CYP4X1: variants seen among roughly 807,000 people sequenced by gnomAD.
CYP4X1 encodes the protein cytochrome P450 family 4 subfamily X member 1.
CYP4X1 carries 44 observed loss-of-function variants against 57.9 expected under a neutral mutation model. The ratio of observed to expected loss-of-function variants is 0.76; its 90% CI spans 0.60 to 0.98. The LOEUF (loss-of-function observed/expected upper bound fraction) is 0.98. Among genes scored for constraint, CYP4X1 ranks in the 50% least tolerant of loss-of-function variants. CYP4X1 has a pLI of 0.00. For synonymous variants in CYP4X1, 227 were observed against 228.6 expected, an observed-to-expected ratio of 0.99 and a Z score of 0.06; for missense variants, 532 against 623.9, an observed-to-expected ratio of 0.85 and a Z score of 1.57.
At chr1:47,008,904 C>G in the CYP4X1 span, among the ~76,000 whole-genome samples, 3 of 152,308 alleles carry the variant, frequency 2.0e-5, no homozygotes, top group East Asian at 1.9e-4. Context: ...AATACAGGAG[C>G]ACCCAGATTC....
chr1:46,973,291 T>C, the CYP4X1 span, among the ~76,000 whole-genome samples: 1 of 152,230 alleles, frequency 6.6e-6, no homozygotes, highest in Non-Finnish European at 1.5e-5. Context: ...TCGATAGTGA[T>C]ATATTAGCTT....
chr1:47,046,641 G>A, intron 9 of CYP4X1, 41 bp downstream of exon 9: 1 of 1,613,242 alleles, frequency 6.2e-7, no homozygotes, highest in Non-Finnish European at 8.5e-7. Context: ...AGAGGCTATG[G>A]GATCCTGGAG....
chr1:47,017,192 G>T, the CYP4X1 span, among the ~76,000 whole-genome samples: 1 of 152,192 alleles, frequency 6.6e-6, no homozygotes, highest in Non-Finnish European at 1.5e-5. Flanking sequence ...TTGATATACT[G>T]ATTTCCTTTC....
chr1:46,991,032 A>G, the CYP4X1 span, among the ~76,000 whole-genome samples: 1 of 150,784 alleles, frequency 6.6e-6, no homozygotes, highest in African/African-American at 2.4e-5. Context: ...CATGTATCCC[A>G]GAACTTAAAA....
upstream of CYP4X1, among the ~76,000 whole-genome samples, chr1:47,019,595 C>A (rs898800036): frequency 6.6e-6 from 1 of 152,190 alleles, no homozygotes; most frequent in Non-Finnish European, 1.5e-5. Flanking sequence ...CACTGCAACA[C>A]CCCAGTCTGG....
At chr1:47,045,648 A>G (rs1458814891) in intron 8 of CYP4X1, among the ~76,000 whole-genome samples, 1 of 152,160 alleles carries the variant, frequency 6.6e-6, no homozygotes, top group African/African-American at 2.4e-5. Context: ...TGGGCCCTCC[A>G]GGAATGGTTT....
chr1:47,015,777 T>C, the CYP4X1 span, among the ~76,000 whole-genome samples: 2 of 152,258 alleles, frequency 1.3e-5, no homozygotes, highest in African/African-American at 4.8e-5. Context: ...TGGCTATCTA[T>C]GAAGTTTCTG....
chr1:46,992,835 T>C, the CYP4X1 span, among the ~76,000 whole-genome samples: 1 of 152,216 alleles, frequency 6.6e-6, no homozygotes, highest in African/African-American at 2.4e-5. Flanking sequence ...GTTTTCCAAA[T>C]TGATATGCCA....
At chr1:47,027,511 C>A (rs1644083286) in intron 1 of CYP4X1, among the ~76,000 whole-genome samples, 1 of 152,174 alleles carries the variant, frequency 6.6e-6, no homozygotes, top group African/African-American at 2.4e-5. Context: ...CATTTCAAGT[C>A]TCTTCAAGCT....
At chr1:46,967,866 G>T in the CYP4X1 span, 3 of 1,059,922 alleles carry the variant, frequency 2.8e-6, no homozygotes, top group Non-Finnish European at 3.8e-6. Context: ...TCCCAATGCA[G>T]GTCCTGAGCC....
At chr1:47,033,127 A>G (rs1644141289) in intron 3 of CYP4X1, 114 bp from the exon 4 acceptor site, 2 of 1,145,190 alleles carry the variant, frequency 1.7e-6, no homozygotes, top group Admixed American at 2.6e-5. Context: ...TTGATACTCC[A>G]CTGTTGCATG....
At chr1:47,032,621 A>G (rs1644136533) in intron 3 of CYP4X1, among the ~76,000 whole-genome samples, 1 of 152,220 alleles carries the variant, frequency 6.6e-6, no homozygotes, top group Non-Finnish European at 1.5e-5. Flanking sequence ...GCAATAGAAG[A>G]TTGTGAAGCA....
the CYP4X1 span, among the ~76,000 whole-genome samples, chr1:47,007,204 G>A: frequency 5.8e-3 from 885 of 152,244 alleles, 8 homozygotes; most frequent in Middle Eastern, 0.014. Flanking sequence ...CACCTCACAC[G>A]GCCAGGTACT....
the CYP4X1 span, among the ~76,000 whole-genome samples, chr1:46,977,232 A>C: frequency 2.0e-5 from 3 of 152,286 alleles, no homozygotes; most frequent in African/African-American, 7.2e-5. Context: ...CCTTGAAAAG[A>C]GATTAGATGA....
At chr1:47,030,513 T>C (rs552903420) in intron 2 of CYP4X1, among the ~76,000 whole-genome samples, 22 of 152,284 alleles carry the variant, frequency 1.4e-4, no homozygotes, top group Non-Finnish European at 2.4e-4. Flanking sequence ...CTACCTCTGC[T>C]GGTTCAGTAT....
At chr1:47,032,191 C>T (rs1644132456) in intron 3 of CYP4X1, among the ~76,000 whole-genome samples, 1 of 151,998 alleles carries the variant, frequency 6.6e-6, no homozygotes. Context: ...AAATTTTGCT[C>T]TAGAGTTTGG....
At chr1:47,010,162 A>G in the CYP4X1 span, among the ~76,000 whole-genome samples, 2 of 151,954 alleles carry the variant, frequency 1.3e-5, no homozygotes, top group African/African-American at 2.4e-5. Flanking sequence ...AAAATCCTCA[A>G]TAAAATACTA....
rs58237350 is a variant in CYP4X1 at position 47,036,385 on chromosome 1, TAC to T, written c.775+217_775+218del. 1.9e-3 allele frequency among the ~76,000 whole-genome samples: 277 copies of T among 148,510 alleles called. 9 individuals are homozygous for T. Among genetic ancestry groups the T allele is most frequent in the African/African-American group, 5.9e-3 (242 of 40,684 alleles). On this transcript the variant is annotated intron_variant, in intron 6 of 11. Transcript: ENST00000371901. The stretch of plus-strand genomic sequence containing the variant: ...ATCAGAATTTTTATATATATATATA[TAC>T]ACTATTTTTATTATGGACAATTATT...
intron 8 of CYP4X1, among the ~76,000 whole-genome samples, chr1:47,045,325 A>C (rs1644289840): frequency 6.6e-6 from 1 of 152,112 alleles, no homozygotes; most frequent in South Asian, 2.1e-4. Flanking sequence ...GTAGGATGCA[A>C]ATTTAAAAAA....
Sources: gnomAD v4.1 joint callset for allele counts (sites outside exome capture counted in the v4.1 genomes callset) on GRCh38, gnomAD v4.1.1 for gene constraint, MANE v1.5 for transcripts, NCBI Gene and HGNC (gene_info 2026-07-23, HGNC 2026-07-21) for gene names.